LOXHD1: variants seen among roughly 807,000 people sequenced by gnomAD.
LOXHD1 encodes lipoxygenase homology domain-containing protein 1.
LOXHD1 carries 205 observed loss-of-function variants against 248.2 expected under a neutral mutation model. The ratio of observed to expected loss-of-function variants is 0.83; its 90% CI spans 0.74 to 0.93. The LOEUF (loss-of-function observed/expected upper bound fraction) is 0.93, where lower values mean the gene tolerates loss of function less well. LOXHD1 is among the 40% of genes least tolerant of loss of function. The pLI, the probability that LOXHD1 is intolerant of heterozygous loss-of-function variation, is 0.00. For synonymous variants in LOXHD1, 1,113 were observed against 1,162.8 expected, an observed-to-expected ratio of 0.96 and a Z score of 0.87; for missense variants, 2,930 against 2,971.6, an observed-to-expected ratio of 0.99 and a Z score of 0.33.
intron 12 of LOXHD1, among the ~76,000 whole-genome samples, chr18:46,585,739 C>T (rs560922736): frequency 3.9e-5 from 6 of 152,018 alleles, no homozygotes; most frequent in Non-Finnish European, 7.4e-5. Context: ...CAAAACAACC[C>T]TGAGAATGAA....
At chr18:46,615,526 A>T (rs2038574102) in intron 5 of LOXHD1, among the ~76,000 whole-genome samples, 1 of 152,144 alleles carries the variant, frequency 6.6e-6, no homozygotes, top group Non-Finnish European at 1.5e-5. Flanking sequence ...AAATGGGGTG[A>T]GATGTGGACA....
intron 34 of LOXHD1, among the ~76,000 whole-genome samples, chr18:46,516,878 C>A (rs1471534649): frequency 2.6e-5 from 4 of 152,044 alleles, no homozygotes; most frequent in African/African-American, 9.7e-5. Context: ...ATCCCTATCA[C>A]CATCATCACT....
chr18:46,555,519 C>G (rs2143946153), intron 21 of LOXHD1: 1 of 221,426 alleles, frequency 4.5e-6, no homozygotes, highest in Admixed American at 5.0e-5. Context: ...ACCCTGTCAC[C>G]TCCTGCCCTG....
chr18:46,633,084 G>A (rs1049743909), intron 4 of LOXHD1, among the ~76,000 whole-genome samples: 1 of 152,160 alleles, frequency 6.6e-6, no homozygotes, highest in African/African-American at 2.4e-5. Flanking sequence ...ACTGAAATAT[G>A]GCCTATGGTC....
chr18:46,655,588 G>T (rs1823140181), intron 1 of LOXHD1, among the ~76,000 whole-genome samples: 1 of 152,192 alleles, frequency 6.6e-6, no homozygotes, highest in Non-Finnish European at 1.5e-5. Context: ...TTAGAAGGTG[G>T]CGGATGCTTC....
intron 36 of LOXHD1, 128 bp from the exon 37 acceptor site, chr18:46,506,151 G>C (rs1025761269): frequency 7.4e-6 from 7 of 947,906 alleles, no homozygotes; most frequent in Non-Finnish European, 1.1e-5. Context: ...GACTCAAGAA[G>C]GCCAGGGGTG....
chr18:46,483,382 C>A (rs2032746931), intron 40 of LOXHD1, among the ~76,000 whole-genome samples: 1 of 152,202 alleles, frequency 6.6e-6, no homozygotes, highest in African/African-American at 2.4e-5. Flanking sequence ...TACTCCCCTG[C>A]CTCTGATAGT....
chr18:46,523,173 T>G (rs1416821847), intron 31 of LOXHD1, among the ~76,000 whole-genome samples: 4 of 152,136 alleles, frequency 2.6e-5, no homozygotes, highest in African/African-American at 9.7e-5. Context: ...TCTCAAACTC[T>G]TGACCTCAGG....
chr18:46,479,651 C>A (rs1278352663), intron 40 of LOXHD1, among the ~76,000 whole-genome samples: 1 of 151,898 alleles, frequency 6.6e-6, no homozygotes, highest in Non-Finnish European at 1.5e-5. Flanking sequence ...TATGCTAACA[C>A]CTTTGAAAAC....
chr18:46,515,592 C>A (rs1426530436), intron 34 of LOXHD1, among the ~76,000 whole-genome samples: 3 of 152,154 alleles, frequency 2.0e-5, no homozygotes, highest in Non-Finnish European at 2.9e-5. Flanking sequence ...GATGCCTCTT[C>A]CACCAGCAAT....
chr18:46,518,220 C>T lies in LOXHD1; in HGVS notation c.5308G>A (p.Val1770Ile). ...YEMTVWTGDVVGGGTDSNIFM... is the reference protein window; with the variant it reads ...YEMTVWTGDVIGGGTDSNIFM... ...ATGTTGGAGTCAGTGCCCCCGCCAACCACATCCCCTGTCCACACCGTCATT... is the reference window on the plus strand; with the variant it reads ...ATGTTGGAGTCAGTGCCCCCGCCAATCACATCCCCTGTCCACACCGTCATT... Residue 1770 changes from valine to isoleucine, a missense_variant, in exon 34 of 41, where the codon GTT becomes ATT. Transcript: ENST00000642948. The T allele has an allele frequency of 1.3e-6, 2 of 1,551,666 alleles. No homozygotes were observed. The highest frequency in any genetic ancestry group is 1.7e-6 in the Non-Finnish European group (2 of 1,146,988).
intron 34 of LOXHD1, among the ~76,000 whole-genome samples, chr18:46,511,967 A>G (rs2034988599): frequency 6.6e-6 from 1 of 152,144 alleles, no homozygotes; most frequent in African/African-American, 2.4e-5. Context: ...ATCTGATTTA[A>G]TCAACCCCCA....
chr18:46,521,818 C>T (rs2035591048), intron 32 of LOXHD1, among the ~76,000 whole-genome samples: 1 of 152,188 alleles, frequency 6.6e-6, no homozygotes, highest in African/African-American at 2.4e-5. Context: ...TGAGATAATA[C>T]ATTTGTGTTG....
chr18:46,491,143 A>G (rs1288522079), intron 37 of LOXHD1, among the ~76,000 whole-genome samples: 3 of 152,244 alleles, frequency 2.0e-5, no homozygotes, highest in Non-Finnish European at 4.4e-5. Flanking sequence ...TCCTCCTCCC[A>G]CCATTCATCC....
chr18:46,559,388 G>A, intron 20 of LOXHD1, 60 bp downstream of exon 20: 1 of 1,551,116 alleles, frequency 6.4e-7, no homozygotes, highest in South Asian at 1.2e-5. Flanking sequence ...GCTGCCATGG[G>A]AATCTCAGAG....
At position 46,604,147 on chromosome 18, in the gene LOXHD1, T is replaced by C; in HGVS notation, c.842A>G (p.Lys281Arg). 6.4e-7 allele frequency: 1 copy of C among 1,551,756 alleles called. No individual in the cohort carries two copies. Among genetic ancestry groups the C allele is most frequent in the Non-Finnish European group, 8.7e-7 (1 of 1,146,994 alleles). The change falls in exon 7 of 41, where the codon AAA becomes AGA. Residue 281 changes from lysine (K) to arginine (R), a missense_variant. Transcript: ENST00000642948. ...GCCCACTAAGATATCCCTTTGGATT[T>C]TGCCATCGTCTTCGTCCAAGGCCAG... ...RWLALDEDDGKIQRDILVGGA... is the reference protein window; with the variant it reads ...RWLALDEDDGRIQRDILVGGA...
chr18:46,593,559 T>C, intron 10 of LOXHD1, 41 bp downstream of exon 10: 1 of 1,548,302 alleles, frequency 6.5e-7, no homozygotes. Context: ...CCTACATCCC[T>C]TCCTCCTTTC....
intron 18 of LOXHD1, among the ~76,000 whole-genome samples, chr18:46,561,891 G>C (rs2037537090): frequency 6.6e-6 from 1 of 152,160 alleles, no homozygotes; most frequent in Admixed American, 6.5e-5. Flanking sequence ...CCTTGCCAAG[G>C]AGGCCAGCTT....
At position 46,559,529 on chromosome 18, in the gene LOXHD1, G is replaced by A; in HGVS notation, c.3135C>T (p.Thr1045=). The A allele has an allele frequency of 1.3e-6, 2 of 1,552,026 alleles. No individual in the cohort carries two copies. The highest frequency in any genetic ancestry group is 2.4e-5 in the South Asian group (2 of 84,066). Residue 1045 remains threonine, a synonymous_variant, in exon 20 of 41, where the codon ACC becomes ACT. Coordinates refer to ENST00000642948, the MANE Select transcript of LOXHD1 (RefSeq NM_001384474.1). ...KAGTDANVYL[T]IYGEEYGDTG... is the part of the protein sequence containing the mutation. ...TGTCTCCATACTCCTCGCCGTAGAT[G>A]GTTAGGTAGACGTTAGCATCAGTGC...
Sources: allele counts gnomAD v4.1 joint callset (sites outside exome capture counted in the v4.1 genomes callset), GRCh38; gene constraint gnomAD v4.1.1; transcripts MANE v1.5; gene names NCBI Gene and HGNC (gene_info 2026-07-23, HGNC 2026-07-21).